The following CPEB3 variants were observed in gnomAD, a reference collection of about 807,000 sequenced individuals.
CPEB3 encodes the protein cytoplasmic polyadenylation element-binding protein 3.
CPEB3 carries 20 observed loss-of-function variants against 67.2 expected under a neutral mutation model. The observed-to-expected ratio is 0.30, with a 90% CI of 0.21 to 0.43. CPEB3 has a LOEUF of 0.43. CPEB3 is among the 20% of genes least tolerant of loss of function. The pLI, the probability that CPEB3 is intolerant of heterozygous loss-of-function variation, is 1.00. For synonymous variants in CPEB3, 376 were observed against 393.1 expected (o/e 0.96, Z 0.51); for missense variants, 746 against 968.6 (o/e 0.77, Z 3.05).
At chr10:92,287,511 AT>A (rs1842586987) in intron 1 of CPEB3, among the ~76,000 whole-genome samples, 1 of 152,204 alleles carries the variant, frequency 6.6e-6, no homozygotes, top group Non-Finnish European at 1.5e-5. Flanking sequence ...GTTAGGATTA[AT>A]TTATTTTCTG....
intron 4 of CPEB3, among the ~76,000 whole-genome samples, chr10:92,157,427 C>T (rs919677889): frequency 2.0e-5 from 3 of 152,148 alleles, no homozygotes; most frequent in African/African-American, 7.2e-5. Flanking sequence ...AGAACAGTTA[C>T]AGCATTACAC....
Position 92,250,834 on chromosome 10 carries a change from C to T in CPEB3, c.-11-10473G>A, listed in dbSNP as rs998315549. On this transcript the variant is annotated intron_variant, in intron 1 of 9. Transcript: ENST00000265997. ...CATCCCAAGTAGCTGGGACTACAGG[C>T]GCCTGCCACCACACACACAGTTAAT... is the stretch of plus-strand genomic sequence containing the variant. Among the ~76,000 whole-genome samples, 11 of 149,856 alleles carry T rather than the reference C, an allele frequency of 7.3e-5. No homozygotes were observed. The South Asian group carries it at 1.1e-3, about 14-fold the overall frequency.
chr10:92,245,970 G>C (rs927717783), intron 1 of CPEB3, among the ~76,000 whole-genome samples: 1 of 151,852 alleles, frequency 6.6e-6, no homozygotes, highest in Non-Finnish European at 1.5e-5. Flanking sequence ...CCTGGGAGGT[G>C]GGGGTTGCAG....
At chr10:92,184,608 A>G (rs1848605232) in intron 3 of CPEB3, among the ~76,000 whole-genome samples, 1 of 152,100 alleles carries the variant, frequency 6.6e-6, no homozygotes, top group Non-Finnish European at 1.5e-5. Flanking sequence ...TGTCTCAAAA[A>G]GAAAAGAAAA....
At chr10:92,156,507 A>T (rs1321515433) in intron 4 of CPEB3, among the ~76,000 whole-genome samples, 3 of 152,186 alleles carry the variant, frequency 2.0e-5, no homozygotes, top group Non-Finnish European at 4.4e-5. Context: ...GAAAATCTTG[A>T]CAAGATCTGG....
intron 8 of CPEB3, among the ~76,000 whole-genome samples, chr10:92,090,142 A>G (rs1263215045): frequency 6.6e-6 from 1 of 152,252 alleles, no homozygotes; most frequent in African/African-American, 2.4e-5. Flanking sequence ...TTAGATAGAC[A>G]TAAGAAGTTA....
chr10:92,286,037 G>A (rs751117426), intron 1 of CPEB3, among the ~76,000 whole-genome samples: 20 of 151,022 alleles, frequency 1.3e-4, no homozygotes, highest in Non-Finnish European at 2.8e-4. Flanking sequence ...ATGGATTCAC[G>A]CCATTCTCCA....
chr10:92,164,904 C>T (rs1847663300), intron 4 of CPEB3, among the ~76,000 whole-genome samples: 2 of 152,132 alleles, frequency 1.3e-5, no homozygotes, highest in African/African-American at 2.4e-5. Flanking sequence ...ACTAACACAA[C>T]ACTATTGTTT....
chr10:92,178,104 TA>T (rs1352990263), intron 4 of CPEB3, among the ~76,000 whole-genome samples: 2 of 152,124 alleles, frequency 1.3e-5, no homozygotes, highest in Non-Finnish European at 2.9e-5. Flanking sequence ...GTCCCTTCGA[TA>T]ATCACAATTC....
At position 92,078,465 on chromosome 10, in the gene CPEB3, C is replaced by T. The variant is rs186906407; in HGVS notation, c.1869+2855G>A. On this transcript the variant is annotated intron_variant, in intron 9 of 9. Coordinates refer to ENST00000265997, the MANE Select transcript of CPEB3 (RefSeq NM_014912.5). The stretch of plus-strand genomic sequence containing the variant: ...AGGAGTTACAGATGAGGACCTGAGG[C>T]TTCTGGCCTTAAGTAACTTGCTTGG... Among the ~76,000 whole-genome samples, 24 of 152,260 alleles carry T rather than the reference C, an allele frequency of 1.6e-4. No individual in the cohort carries two copies. In the East Asian group the frequency reaches 4.6e-3, roughly 29 times the overall value.
chr10:92,250,789 A>C (rs750638656), intron 1 of CPEB3, among the ~76,000 whole-genome samples: 5 of 151,756 alleles, frequency 3.3e-5, no homozygotes, highest in Admixed American at 6.6e-5. Context: ...TCCCAGGTTC[A>C]AGCAATTCTC....
intron 2 of CPEB3, among the ~76,000 whole-genome samples, chr10:92,199,391 CAA>C (rs61159896): frequency 5.9e-4 from 45 of 76,338 alleles, no homozygotes; most frequent in Non-Finnish European, 6.0e-4. Flanking sequence ...AACTCTGTCT[CAA>C]AAAAAAAAAA....
At chr10:92,179,247 G>GAAAT (rs1848361367) in intron 4 of CPEB3, among the ~76,000 whole-genome samples, 1 of 152,128 alleles carries the variant, frequency 6.6e-6, no homozygotes, top group Non-Finnish European at 1.5e-5. Context: ...GAGCATAAAT[G>GAAAT]AAATCTTGGA....
chr10:92,055,806 G>A (rs1297062743), intron 9 of CPEB3, among the ~76,000 whole-genome samples: 1 of 152,182 alleles, frequency 6.6e-6, no homozygotes. Context: ...TTGGAAGGGT[G>A]AGGCAGGAGG....
intron 9 of CPEB3, 117 bp from the exon 10 acceptor site, chr10:92,052,556 A>G (rs1590034316): frequency 1.2e-6 from 1 of 818,810 alleles, no homozygotes; most frequent in East Asian, 2.6e-5. Context: ...GCTGCTTTCA[A>G]CTCTGCTGAT....
At chr10:92,266,694 A>G (rs948010825) in intron 1 of CPEB3, among the ~76,000 whole-genome samples, 1 of 152,182 alleles carries the variant, frequency 6.6e-6, no homozygotes, top group Non-Finnish European at 1.5e-5. Context: ...AGCGCTAGAA[A>G]GAACAAAAGG....
At chr10:92,241,995 A>G (rs1400176047) in intron 1 of CPEB3, among the ~76,000 whole-genome samples, 3 of 152,244 alleles carry the variant, frequency 2.0e-5, no homozygotes, top group Non-Finnish European at 4.4e-5. Flanking sequence ...CTCTGCCTCT[A>G]GACATCCTCA....
At chr10:92,250,539 C>T (rs1365349999) in intron 1 of CPEB3, among the ~76,000 whole-genome samples, 1 of 152,128 alleles carries the variant, frequency 6.6e-6, no homozygotes, top group Non-Finnish European at 1.5e-5. Context: ...ATAAAGTCTA[C>T]AGTAGTATAT....
At chr10:92,081,998 C>T (rs1053536632) in intron 8 of CPEB3, among the ~76,000 whole-genome samples, 1 of 152,140 alleles carries the variant, frequency 6.6e-6, no homozygotes, top group African/African-American at 2.4e-5. Context: ...TTGTTTATAG[C>T]CTTAAAGTAA....
Sources: gnomAD v4.1 joint callset for allele counts (sites outside exome capture counted in the v4.1 genomes callset) on GRCh38, gnomAD v4.1.1 for gene constraint, MANE v1.5 for transcripts, NCBI Gene and HGNC (gene_info 2026-07-23, HGNC 2026-07-21) for gene names.